ESRRG: variants seen among roughly 807,000 people sequenced by gnomAD.
ESRRG encodes the protein estrogen related receptor gamma.
ESRRG carries 13 observed loss-of-function variants against 44.0 expected under a neutral mutation model. The ratio of observed to expected loss-of-function variants is 0.30; its 90% CI spans 0.19 to 0.47. The LOEUF (loss-of-function observed/expected upper bound fraction) is 0.47. ESRRG is among the 20% of genes least tolerant of loss of function. ESRRG has a pLI of 1.00. For missense variants in ESRRG, 395 were observed against 580.6 expected, an observed-to-expected ratio of 0.68 and a Z score of 3.29; for synonymous variants, 215 against 214.6, an observed-to-expected ratio of 1.00 and a Z score of -0.02.
intron 1 of ESRRG, among the ~76,000 whole-genome samples, chr1:216,709,580 G>A (rs1311717042): frequency 3.3e-5 from 5 of 151,698 alleles, no homozygotes; most frequent in African/African-American, 9.7e-5. Context: ...TATTCACAAA[G>A]TGACTCAAAT....
At chr1:216,747,327 A>G (rs978985460) in intron 2 of ESRRG, among the ~76,000 whole-genome samples, 3 of 152,096 alleles carry the variant, frequency 2.0e-5, no homozygotes, top group African/African-American at 7.2e-5. Flanking sequence ...GCCTCACTCT[A>G]TGGCAATACC....
chr1:216,948,254 G>A (rs916852620), intron 1 of ESRRG, among the ~76,000 whole-genome samples: 1 of 151,916 alleles, frequency 6.6e-6, no homozygotes. Context: ...TCAAGATTAG[G>A]AAGAAAGAAA....
intron 1 of ESRRG, among the ~76,000 whole-genome samples, chr1:216,942,721 A>G (rs1005191207): frequency 2.6e-5 from 4 of 151,944 alleles, no homozygotes; most frequent in African/African-American, 7.3e-5. Flanking sequence ...CTTTTGAGAT[A>G]TGTCTGTTTA....
intron 1 of ESRRG, among the ~76,000 whole-genome samples, chr1:217,045,655 C>T (rs568956854): frequency 3.5e-4 from 53 of 152,168 alleles, no homozygotes; most frequent in Non-Finnish European, 6.5e-4. Context: ...TGGGATAGCA[C>T]GTGTGGCTCT....
chr1:217,044,312 C>T (rs1305722634), intron 1 of ESRRG, among the ~76,000 whole-genome samples: 1 of 152,102 alleles, frequency 6.6e-6, no homozygotes, highest in Non-Finnish European at 1.5e-5. Context: ...CTCCTGCCTC[C>T]CTAATTTTCT....
At chr1:216,736,724 C>T (rs2089986064) in intron 2 of ESRRG, among the ~76,000 whole-genome samples, 1 of 152,088 alleles carries the variant, frequency 6.6e-6, no homozygotes, top group South Asian at 2.1e-4. Context: ...CCAGCAGAAT[C>T]TCCATCAAGT....
chr1:216,546,843 A>G (rs2054659591), intron 5 of ESRRG, among the ~76,000 whole-genome samples: 1 of 151,850 alleles, frequency 6.6e-6, no homozygotes, highest in Non-Finnish European at 1.5e-5. Flanking sequence ...TCTGGGATAC[A>G]TGTGCAGAAC....
chr1:216,506,539 T>G lies in ESRRG; in HGVS notation c.*400A>C. 1 of 421,400 alleles carries G rather than the reference T, an allele frequency of 2.4e-6. No individual in the cohort carries two copies. The highest frequency in any genetic ancestry group is 4.6e-6 in the Non-Finnish European group (1 of 215,516). 26.1% of individuals were successfully genotyped at this position (421,400 alleles called of 1,614,324 possible). A position where few individuals can be genotyped will look rare whatever the true frequency, so the allele number is the denominator to read the frequency against. ...GGATTTTTTTTTAAACTAAAGCTAT[T>G]TCAAATTTAGAAAAAAGGGGAAGGA... is the stretch of plus-strand genomic sequence containing the variant. On this transcript the variant is annotated 3_prime_UTR_variant, in exon 7 of 7. Transcript: ENST00000408911.
At chr1:216,658,841 A>G (rs1304201651) in intron 2 of ESRRG, among the ~76,000 whole-genome samples, 2 of 146,650 alleles carry the variant, frequency 1.4e-5, no homozygotes, top group South Asian at 2.2e-4. Context: ...TCCAAAAAAG[A>G]AAGTAAAAGA....
At chr1:217,100,620 A>T (rs2092496572) in intron 1 of ESRRG, among the ~76,000 whole-genome samples, 1 of 152,234 alleles carries the variant, frequency 6.6e-6, no homozygotes, top group Admixed American at 6.5e-5. Flanking sequence ...ATTTCTGCAG[A>T]CTATACATGA....
chr1:216,821,842 C>T lies in ESRRG; in HGVS notation c.-14+117740G>A, dbSNP rs189923362. Among the ~76,000 whole-genome samples the T allele has an allele frequency of 4.2e-4, 63 of 151,712 alleles. 1 individual carries two copies. Among genetic ancestry groups the T allele is most frequent in the African/African-American group, 1.3e-3 (55 of 41,386 alleles). ...CCTATCTCACTTGTGTCTTACAGTG[C>T]TATTTTCTGGTGGATAGTATTATAG... is the stretch of plus-strand genomic sequence containing the variant. On this transcript the variant is annotated intron_variant, in intron 2 of 7. Transcript: ENST00000359162.
At chr1:216,972,820 T>A (rs375663865) in intron 1 of ESRRG, among the ~76,000 whole-genome samples, 15 of 152,306 alleles carry the variant, frequency 9.8e-5, no homozygotes, top group African/African-American at 3.6e-4. Flanking sequence ...GCTTTTAAAT[T>A]TTTAAAGTAC....
chr1:216,892,992 G>A (rs2058001665), intron 2 of ESRRG, among the ~76,000 whole-genome samples: 1 of 152,112 alleles, frequency 6.6e-6, no homozygotes, highest in Non-Finnish European at 1.5e-5. Context: ...CAAGAATAAA[G>A]TCCAAATTCC....
At chr1:217,070,362 G>C (rs2090395486) in intron 1 of ESRRG, among the ~76,000 whole-genome samples, 1 of 151,854 alleles carries the variant, frequency 6.6e-6, no homozygotes, top group African/African-American at 2.4e-5. Flanking sequence ...AGTACAACAG[G>C]AGTTTAGAAA....
At chr1:216,702,468 G>C (rs2081556972) in intron 1 of ESRRG, among the ~76,000 whole-genome samples, 1 of 151,908 alleles carries the variant, frequency 6.6e-6, no homozygotes, top group Non-Finnish European at 1.5e-5. Context: ...TAAGTTATTA[G>C]ATATTACAGG....
At position 216,754,842 on chromosome 1, in the gene ESRRG, T is replaced by G. The variant is rs563312895; in HGVS notation, c.-13-77351A>C. 3.3e-5 allele frequency among the ~76,000 whole-genome samples: 5 copies of G among 151,906 alleles called. No homozygotes were observed. The South Asian group carries it at 1.0e-3, about 32-fold the overall frequency. On this transcript the variant is annotated intron_variant, in intron 2 of 7. Transcript: ENST00000359162. ...TCACTCTCAAACGTTCCTTTTCTAT[T>G]TCAACTCCATTATAATGGATAATTG...
chr1:216,567,899 G>A lies in ESRRG; in HGVS notation c.700+89C>T. 4 of 807,166 alleles carry A rather than the reference G, an allele frequency of 5.0e-6. No individual in the cohort carries two copies. The South Asian group carries it at 5.8e-5, about 12-fold the overall frequency. 50.0% of individuals were successfully genotyped at this position (807,166 alleles called of 1,614,324 possible). On this transcript the variant is annotated intron_variant, in intron 4 of 6. Coordinates refer to ENST00000408911, the MANE Select transcript of ESRRG (RefSeq NM_001438.4). ...ACAAAGAGAAGTCTCCTTGGAGTCA[G>A]TAGGGATGGGCATGCCAAAGCTGAT...
In ESRRG at chr1:216,961,776, T is replaced by C. The variant is rs377408133; in HGVS notation, c.-105-22103A>G. Among the ~76,000 whole-genome samples the C allele has an allele frequency of 7.2e-5, 11 of 152,178 alleles. No individual in the cohort carries two copies. In the East Asian group the frequency reaches 1.2e-3, roughly 16 times the overall value. Reference sequence around the variant, plus strand: ...CCTGCATGACAGCAAAGATTGATACTAGTAAAACTTCATTTAAGTTTTTTA... The same window carrying C: ...CCTGCATGACAGCAAAGATTGATACCAGTAAAACTTCATTTAAGTTTTTTA... On this transcript the variant is annotated intron_variant, in intron 1 of 7. Transcript: ENST00000359162.
At chr1:216,661,955 T>A (rs571183053) in intron 2 of ESRRG, among the ~76,000 whole-genome samples, 31 of 152,262 alleles carry the variant, frequency 2.0e-4, no homozygotes, top group African/African-American at 7.0e-4. Flanking sequence ...CCATTTTCCG[T>A]GTGACTTTGG....
Sources: allele counts gnomAD v4.1 joint callset (sites outside exome capture counted in the v4.1 genomes callset), GRCh38; gene constraint gnomAD v4.1.1; transcripts MANE v1.5; gene names NCBI Gene and HGNC (gene_info 2026-07-23, HGNC 2026-07-21).